KIF13B: variants seen among roughly 807,000 people sequenced by gnomAD.
KIF13B encodes kinesin-like protein KIF13B.
KIF13B carries 127 observed loss-of-function variants against 222.0 expected under a neutral mutation model. The ratio of observed to expected loss-of-function variants is 0.57; its 90% confidence interval spans 0.50 to 0.66. KIF13B has a LOEUF of 0.66. Ranked by LOEUF, KIF13B falls within the 30% of genes least tolerant of loss-of-function variation. KIF13B has a pLI of 0.00. For synonymous variants in KIF13B, 976 were observed against 919.0 expected, an observed-to-expected ratio of 1.06 and a Z score of -1.12; for missense variants, 2,173 against 2,379.0, an observed-to-expected ratio of 0.91 and a Z score of 1.80.
At chr8:29,201,977 G>GT (rs1374768409) in intron 2 of KIF13B, among the ~76,000 whole-genome samples, 1 of 152,322 alleles carries the variant, frequency 6.6e-6, no homozygotes, top group African/African-American at 2.4e-5. Flanking sequence ...TCAACTCTCT[G>GT]TAAGAAGTAC....
chr8:29,127,262 A>G lies in KIF13B; in HGVS notation c.3082T>C (p.Ser1028Pro). Reference protein sequence around the residue: ...GGIFQLRQGQSRRVQVEVKSV... With the variant: ...GGIFQLRQGQPRRVQVEVKSV... Reference sequence around the variant, plus strand: ...TTCACTTCGACTTGAACTCTCCGGGACTGCCCCTGGGTCACAGACAATTTA... The same window carrying G: ...TTCACTTCGACTTGAACTCTCCGGGGCTGCCCCTGGGTCACAGACAATTTA... Residue 1028 changes from serine to proline, a missense_variant, in exon 25 of 40, where the codon TCC becomes CCC. Transcript: ENST00000524189. The G allele has an allele frequency of 6.2e-7, 1 of 1,613,700 alleles. No homozygotes were observed. The highest frequency in any genetic ancestry group is 8.5e-7 in the Non-Finnish European group (1 of 1,179,742).
At chr8:29,141,927 CTG>C (rs1810834934) in intron 19 of KIF13B, among the ~76,000 whole-genome samples, 2 of 152,050 alleles carry the variant, frequency 1.3e-5, no homozygotes, top group Admixed American at 1.3e-4. Context: ...GTGGAGAATT[CTG>C]CTAGAAATCT....
chr8:29,172,712 CCT>C (rs1812300487), intron 10 of KIF13B, among the ~76,000 whole-genome samples: 1 of 152,108 alleles, frequency 6.6e-6, no homozygotes, highest in Admixed American at 6.5e-5. Context: ...AGTTCTGCAC[CCT>C]CTGTGTCATC....
intron 10 of KIF13B, among the ~76,000 whole-genome samples, chr8:29,168,267 G>A (rs1812088673): frequency 6.6e-6 from 1 of 152,244 alleles, no homozygotes; most frequent in Non-Finnish European, 1.5e-5. Flanking sequence ...TAAGTACAGT[G>A]AAACGGCTTT....
At chr8:29,241,706 GAAAA>G (rs75531371) in intron 2 of KIF13B, among the ~76,000 whole-genome samples, 1,200 of 96,716 alleles carry the variant, frequency 0.012, 17 homozygotes, top group African/African-American at 0.035. Context: ...GCAAGGGAGG[GAAAA>G]AAAAAAAAAA....
chr8:29,177,600 A>G (rs375288502), intron 8 of KIF13B, 22 bp from the exon 9 acceptor site: 7 of 1,488,834 alleles, frequency 4.7e-6, no homozygotes, highest in Non-Finnish European at 6.6e-6. Context: ...ATCAATCAAT[A>G]CTAATCAACA....
At chr8:29,222,915 C>A (rs1243978215) in intron 2 of KIF13B, among the ~76,000 whole-genome samples, 1 of 151,966 alleles carries the variant, frequency 6.6e-6, no homozygotes, top group Non-Finnish European at 1.5e-5. Flanking sequence ...ATTAGAGCTG[C>A]AGATTTAGCT....
intron 2 of KIF13B, among the ~76,000 whole-genome samples, chr8:29,243,618 T>C (rs1403907824): frequency 6.6e-6 from 1 of 150,682 alleles, no homozygotes; most frequent in Non-Finnish European, 1.5e-5. Context: ...ATGGCACCCC[T>C]GCACTTCAGC....
intron 15 of KIF13B, 84 bp from the exon 16 acceptor site, chr8:29,148,851 A>G: frequency 1.9e-6 from 2 of 1,057,968 alleles, no homozygotes; most frequent in Non-Finnish European, 2.7e-6. Context: ...ATCTGTTAGA[A>G]GCCAAGTGGA....
At chr8:29,241,104 T>C (rs1393024264) in intron 2 of KIF13B, among the ~76,000 whole-genome samples, 1 of 152,208 alleles carries the variant, frequency 6.6e-6, no homozygotes, top group Non-Finnish European at 1.5e-5. Context: ...AACAGACTAT[T>C]ATTTCATCAT....
chr8:29,177,346 G>C, intron 9 of KIF13B, 120 bp downstream of exon 9: 1 of 704,654 alleles, frequency 1.4e-6, no homozygotes, highest in Non-Finnish European at 2.5e-6. Context: ...AATGGGCCCA[G>C]GCCCATTGAA....
intron 2 of KIF13B, among the ~76,000 whole-genome samples, chr8:29,213,549 C>G (rs1057055645): frequency 6.6e-6 from 1 of 152,218 alleles, no homozygotes; most frequent in African/African-American, 2.4e-5. Flanking sequence ...GTGCGGCCTA[C>G]TATGCACACA....
chr8:29,118,906 ACTC>A lies in KIF13B; in HGVS notation c.3619_3621del (p.Glu1207del), dbSNP rs1202835580. The A allele has an allele frequency of 1.9e-6, 3 of 1,613,430 alleles. No individual in the cohort carries two copies. The highest frequency in any genetic ancestry group is 1.7e-6 in the Non-Finnish European group (2 of 1,179,724). ...TGCTTCACAATCTGCAATTCAAAGA[ACTC>A]CTCTTCTTCTTCCCCAGTCAAGGTC... On this transcript the variant is annotated inframe_deletion, in exon 30 of 40. Coordinates refer to ENST00000524189, the MANE Select transcript of KIF13B (RefSeq NM_015254.4).
intron 2 of KIF13B, among the ~76,000 whole-genome samples, chr8:29,221,870 T>C (rs556693351): frequency 6.6e-6 from 1 of 152,334 alleles, no homozygotes; most frequent in African/African-American, 2.4e-5. Flanking sequence ...TATTTCATAA[T>C]ATTTTTAGTT....
At chr8:29,119,117 CT>C in intron 29 of KIF13B, 125 bp from the exon 30 acceptor site, 2 of 998,260 alleles carry the variant, frequency 2.0e-6, no homozygotes, top group South Asian at 3.2e-5. Context: ...GCTCTGAAAT[CT>C]TACATGACAC....
chr8:29,098,170 C>CAAAAAAA lies in KIF13B; in HGVS notation c.4324+956_4324+962dup, dbSNP rs147089450. Among the ~76,000 whole-genome samples, 77 of 30,300 alleles carry CAAAAAAA rather than the reference C, an allele frequency of 2.5e-3. 1 individual carries two copies. In the East Asian group the frequency reaches 0.03, roughly 12 times the overall value. The allele number at this position is 30,300 out of a possible 152,430, so 19.9% of individuals were successfully genotyped here. A position where few individuals can be genotyped will look rare whatever the true frequency, so the allele number is the denominator to read the frequency against. On this transcript the variant is annotated intron_variant, in intron 36 of 39. Transcript: ENST00000524189. ...TGGGCGACAGAGTCAGACTCCATCT[C>CAAAAAAA]AAAAAAAAAAAAAAAAAAAAGTAAG...
At chr8:29,083,132 A>T (rs1807890320) in intron 37 of KIF13B, among the ~76,000 whole-genome samples, 1 of 152,248 alleles carries the variant, frequency 6.6e-6, no homozygotes, top group Admixed American at 6.5e-5. Flanking sequence ...CTGTCTAAAA[A>T]AAAAAGCCTT....
chr8:29,118,802 A>G (rs754604059), intron 30 of KIF13B, 66 bp downstream of exon 30: 70 of 1,558,698 alleles, frequency 4.5e-5, no homozygotes, highest in Non-Finnish European at 5.9e-5. Context: ...TATTGTTTCA[A>G]AAAGCTCGAG....
At chr8:29,164,645 G>A (rs956169828) in intron 12 of KIF13B, among the ~76,000 whole-genome samples, 11 of 152,100 alleles carry the variant, frequency 7.2e-5, no homozygotes, top group Admixed American at 2.0e-4. Flanking sequence ...TGATTCAATC[G>A]CTACTACTGG....
Sources: gnomAD v4.1 joint callset for allele counts (sites outside exome capture counted in the v4.1 genomes callset) on GRCh38, gnomAD v4.1.1 for gene constraint, MANE v1.5 for transcripts, NCBI Gene and HGNC (gene_info 2026-07-23, HGNC 2026-07-21) for gene names.